FREM1: variants seen among roughly 807,000 people sequenced by gnomAD.
FREM1 encodes FRAS1 related extracellular matrix 1.
Under a neutral mutation model 210.1 loss-of-function variants are expected in FREM1, and 220 were observed. That is an observed-to-expected ratio of 1.05 (90% CI 0.94 to 1.17). FREM1 has a LOEUF of 1.17. Ranked by LOEUF, FREM1 falls within the 50% of genes most tolerant of loss-of-function variation. FREM1 has a pLI of 0.00. For synonymous variants in FREM1, 1,189 were observed against 980.2 expected (o/e 1.21, Z -3.98); for missense variants, 3,454 against 2,675.5 (o/e 1.29, Z -6.42).
Position 14,805,001 on chromosome 9 carries a change from G to T in FREM1, c.3426C>A (p.Asn1142Lys). 6.2e-7 allele frequency: 1 copy of T among 1,613,626 alleles called. No homozygotes were observed. Among genetic ancestry groups the T allele is most frequent in the Non-Finnish European group, 8.5e-7 (1 of 1,179,592 alleles). Residue 1142 changes from asparagine (N) to lysine (K), a missense_variant, in exon 19 of 37, where the codon AAC becomes AAA. Asn to Lys is a moderately conservative substitution (Grantham distance 94). Coordinates refer to ENST00000380880, the MANE Select transcript of FREM1 (RefSeq NM_001379081.2). ...SLEIPFSIII[N>K]PTNDEAPDFV... is the part of the protein sequence containing the mutation. ...AGTCAGGAGCTTCATCATTTGTGGG[G>T]TTGATTATAATAGAAAATGGTATCT...
At chr9:14,804,286 T>C (rs2133358934) in intron 19 of FREM1, among the ~76,000 whole-genome samples, 1 of 152,224 alleles carries the variant, frequency 6.6e-6, no homozygotes, top group African/African-American at 2.4e-5. Context: ...GGAATGCAGG[T>C]AAAACCATGA....
At chr9:14,851,080 T>A (rs1827649099) in intron 6 of FREM1, among the ~76,000 whole-genome samples, 1 of 152,172 alleles carries the variant, frequency 6.6e-6, no homozygotes. Flanking sequence ...TTTCTTCAGT[T>A]TGCCACAGTG....
rs554521220 is a variant in FREM1, at chr9:14,894,749, C to T, written c.-268+15165G>A. On this transcript the variant is annotated intron_variant, in intron 1 of 36. Transcript: ENST00000380880. ...AACAGAATTTGGAGCATGTTTGTTT[C>T]TCTCTACCTGATTTTGCCAGAATTT... Among the ~76,000 whole-genome samples the T allele has an allele frequency of 7.2e-5, 11 of 152,286 alleles. No individual in the cohort carries two copies. The South Asian group carries it at 2.3e-3, about 32-fold the overall frequency.
Position 14,747,344 on chromosome 9 carries a change from GCTGA to G in FREM1, c.5925_5928del (p.Gln1976HisfsTer41), listed in dbSNP as rs1264138426. On this transcript the variant is annotated frameshift_variant, in exon 33 of 37. Transcript: ENST00000380880. LOFTEE classifies it high-confidence loss of function. Reference sequence around the variant, plus strand: ...TCTGCCACTTTGATTGTCTTTTGTGGCTGACTAATGATGGATACTTTGGCCTTCC... The same window carrying G: ...TCTGCCACTTTGATTGTCTTTTGTGGCTAATGATGGATACTTTGGCCTTCC... The G allele has an allele frequency of 3.1e-6, 5 of 1,613,622 alleles. No homozygotes were observed. Among genetic ancestry groups the G allele is most frequent in the African/African-American group, 2.7e-5 (2 of 75,004 alleles).
At chr9:14,853,184 C>G (rs1828084392) in intron 5 of FREM1, among the ~76,000 whole-genome samples, 1 of 152,184 alleles carries the variant, frequency 6.6e-6, no homozygotes, top group African/African-American at 2.4e-5. Context: ...GGGCTCATAT[C>G]TGAGGAAGCT....
rs548142523 is a variant in FREM1 at position 14,807,840 on chromosome 9, G to A, written c.3088+100C>T. ...TATTGAAGGACAATTCCATATGGTG[G>A]TTTTCTTTTTAGACTATAAATGAAA... On this transcript the variant is annotated intron_variant, in intron 17 of 36. Coordinates refer to ENST00000380880, the MANE Select transcript of FREM1 (RefSeq NM_001379081.2). 24 of 848,968 alleles carry A rather than the reference G, an allele frequency of 2.8e-5. No individual in the cohort carries two copies. In the Admixed American group the frequency reaches 5.0e-4, roughly 18 times the overall value. 52.6% of individuals were successfully genotyped at this position (848,968 alleles called of 1,614,324 possible). A position where few individuals can be genotyped will look rare whatever the true frequency, so the allele number is the denominator to read the frequency against.
At chr9:14,874,588 T>C (rs376194528) in intron 1 of FREM1, among the ~76,000 whole-genome samples, 9,494 of 151,476 alleles carry the variant, frequency 0.063, 352 homozygotes, top group East Asian at 0.14. Context: ...GTTTCCTGAA[T>C]ACAGCACACT....
chr9:14,875,388 T>C (rs1423731305), intron 1 of FREM1, among the ~76,000 whole-genome samples: 1 of 152,194 alleles, frequency 6.6e-6, no homozygotes, highest in African/African-American at 2.4e-5. Flanking sequence ...TTATTCTTTT[T>C]TCTCTAAACT....
At chr9:14,816,219 T>C (rs1027464257) in intron 15 of FREM1, among the ~76,000 whole-genome samples, 2 of 152,208 alleles carry the variant, frequency 1.3e-5, no homozygotes, top group Non-Finnish European at 2.9e-5. Context: ...ATGTTTGAAG[T>C]CAGAGTAATT....
At chr9:14,807,020 G>C (rs975923937) in intron 17 of FREM1, among the ~76,000 whole-genome samples, 174 bp from the exon 18 acceptor site, 10 of 152,280 alleles carry the variant, frequency 6.6e-5, no homozygotes, top group Admixed American at 5.9e-4. Flanking sequence ...TGAAAATCTT[G>C]AGTGGTAATG....
Position 14,775,798 on chromosome 9 carries a change from GAAT to G in FREM1, c.4845_4847del (p.Leu1615del). 6.2e-7 allele frequency: 1 copy of G among 1,609,888 alleles called. No homozygotes were observed. Among genetic ancestry groups the G allele is most frequent in the Non-Finnish European group, 8.5e-7 (1 of 1,177,000 alleles). On this transcript the variant is annotated inframe_deletion, in exon 25 of 37. Coordinates refer to ENST00000380880, the MANE Select transcript of FREM1 (RefSeq NM_001379081.2). Reference sequence around the variant, plus strand: ...TGTTTTTCATACTTGCCTGAATGGTGAATAAAACAGGTTCTTCCCACACTCTCC... The same window carrying G: ...TGTTTTTCATACTTGCCTGAATGGTGAAAACAGGTTCTTCCCACACTCTCC...
At chr9:14,800,846 A>G (rs1476996080) in intron 20 of FREM1, among the ~76,000 whole-genome samples, 1 of 151,986 alleles carries the variant, frequency 6.6e-6, no homozygotes, top group Non-Finnish European at 1.5e-5. Flanking sequence ...TTCATCCCCT[A>G]TTTCTGTGAT....
At chr9:14,758,250 G>A (rs983612084) in intron 28 of FREM1, among the ~76,000 whole-genome samples, 15 of 152,174 alleles carry the variant, frequency 9.9e-5, no homozygotes, top group African/African-American at 2.4e-4. Flanking sequence ...CAGCTGGCAC[G>A]TTTGTTGTGC....
At chr9:14,768,396 C>T (rs1346265298) in intron 27 of FREM1, among the ~76,000 whole-genome samples, 1 of 150,672 alleles carries the variant, frequency 6.6e-6, no homozygotes, top group Non-Finnish European at 1.5e-5. Flanking sequence ...ACATATTTTC[C>T]CATAAAGATT....
At chr9:14,905,824 G>C (rs890307552) in intron 1 of FREM1, among the ~76,000 whole-genome samples, 2 of 152,118 alleles carry the variant, frequency 1.3e-5, no homozygotes, top group Non-Finnish European at 2.9e-5. Context: ...CAGGGAGGCA[G>C]AGGTTGCAGT....
Position 14,739,260 on chromosome 9 carries a change from T to C in FREM1, c.6340+889A>G, listed in dbSNP as rs374537100. 9.3e-5 allele frequency among the ~76,000 whole-genome samples: 14 copies of C among 150,866 alleles called. No individual in the cohort carries two copies. The East Asian group carries it at 1.4e-3, about 15-fold the overall frequency. On this transcript the variant is annotated intron_variant, in intron 36 of 36. Transcript: ENST00000380880. Reference sequence around the variant, plus strand: ...GTGGGACTACTGTTAGCTGCCACCATGCCTGGCTAATTTTTAAATTTTTCA... The same window carrying C: ...GTGGGACTACTGTTAGCTGCCACCACGCCTGGCTAATTTTTAAATTTTTCA...
intron 1 of FREM1, among the ~76,000 whole-genome samples, chr9:14,890,113 G>A (rs1375797227): frequency 6.6e-6 from 1 of 152,178 alleles, no homozygotes; most frequent in Non-Finnish European, 1.5e-5. Context: ...CTGTTCAGGG[G>A]AGAAGGTCAG....
chr9:14,901,322 A>T (rs1388823307), intron 1 of FREM1, among the ~76,000 whole-genome samples: 4 of 152,196 alleles, frequency 2.6e-5, no homozygotes, highest in Admixed American at 2.6e-4. Flanking sequence ...CTCTCAAATC[A>T]TTCTATAAGT....
chr9:14,890,318 G>T (rs1836577276), intron 1 of FREM1, among the ~76,000 whole-genome samples: 2 of 152,176 alleles, frequency 1.3e-5, no homozygotes, highest in South Asian at 4.1e-4. Context: ...ACTCTACCCT[G>T]CCATGTTTTG....
Sources: gnomAD v4.1 joint callset for allele counts (sites outside exome capture counted in the v4.1 genomes callset) on GRCh38, gnomAD v4.1.1 for gene constraint, MANE v1.5 for transcripts, NCBI Gene and HGNC (gene_info 2026-07-23, HGNC 2026-07-21) for gene names.